The following ADAM2 variants were observed in gnomAD, a reference collection of about 807,000 sequenced individuals.
The protein encoded by ADAM2 is ADAM metallopeptidase domain 2, also known as disintegrin and metalloproteinase domain-containing protein 2.
ADAM2 carries 101 observed loss-of-function variants against 99.3 expected under a neutral mutation model. The observed-to-expected ratio is 1.02, with a 90% CI of 0.87 to 1.20. The LOEUF (loss-of-function observed/expected upper bound fraction) is 1.20. Ranked by LOEUF, ADAM2 falls within the 50% of genes most tolerant of loss-of-function variation. The pLI, the probability that ADAM2 is intolerant of heterozygous loss-of-function variation, is 0.00. For synonymous variants in ADAM2, 323 were observed against 287.6 expected (o/e 1.12, Z -1.25); for missense variants, 948 against 878.7 (o/e 1.08, Z -1.00).
At chr8:39,752,290 G>A (rs1052433167) in intron 16 of ADAM2, among the ~76,000 whole-genome samples, 1 of 152,048 alleles carries the variant, frequency 6.6e-6, no homozygotes, top group Non-Finnish European at 1.5e-5. Flanking sequence ...TCAGAAAAAC[G>A]GTGATATAGA....
At chr8:39,770,695 T>C (rs1460669178) in intron 11 of ADAM2, among the ~76,000 whole-genome samples, 1 of 152,206 alleles carries the variant, frequency 6.6e-6, no homozygotes, top group Admixed American at 6.5e-5. Context: ...CTAAAAACTG[T>C]GCCTATCCAT....
At chr8:39,792,920 T>C (rs1166323523) in intron 7 of ADAM2, among the ~76,000 whole-genome samples, 1 of 152,052 alleles carries the variant, frequency 6.6e-6, no homozygotes, top group Non-Finnish European at 1.5e-5. Context: ...ACAAACTGGG[T>C]CGGGAAGACA....
rs371357430 is a variant in ADAM2 at position 39,838,210 on chromosome 8, G to A, written c.-25C>T. 1.4e-5 allele frequency: 22 copies of A among 1,613,824 alleles called. No homozygotes were observed. In the African/African-American group the frequency reaches 1.7e-4, roughly 13 times the overall value. On this transcript the variant is annotated 5_prime_UTR_variant, in exon 1 of 21. Coordinates refer to ENST00000265708, the MANE Select transcript of ADAM2 (RefSeq NM_001464.5). ...TGGCTTGAAGTCCTGGGTCCCAGCC[G>A]GAATAATGGCAGTTGGTGGTTACAG...
rs1021071453 is a variant in ADAM2 at position 39,779,769 on chromosome 8, A to G, written c.892-2608T>C. Among the ~76,000 whole-genome samples the G allele has an allele frequency of 3.5e-4, 54 of 152,166 alleles. 1 individual carries two copies. Among genetic ancestry groups the G allele is most frequent in the Admixed American group, 3.5e-3 (53 of 15,264 alleles). ...TCATCAGACTGAGAAATTTGTAAAC[A>G]AGTGGGGATTTATTGAGACTTGTTT... is the stretch of plus-strand genomic sequence containing the variant. On this transcript the variant is annotated intron_variant, in intron 10 of 20. Transcript: ENST00000265708.
At chr8:39,764,016 C>T (rs559946416) in intron 14 of ADAM2, among the ~76,000 whole-genome samples, 1 of 152,290 alleles carries the variant, frequency 6.6e-6, no homozygotes, top group Non-Finnish European at 1.5e-5. Context: ...CAGTTGCCAT[C>T]GACCCCCAGG....
chr8:39,824,339 CTTT>C (rs1805315059), intron 4 of ADAM2, among the ~76,000 whole-genome samples: 2 of 149,166 alleles, frequency 1.3e-5, no homozygotes, highest in Admixed American at 1.3e-4. Flanking sequence ...ATTCACTCTT[CTTT>C]ATTATTTTTT....
intron 10 of ADAM2, 133 bp from the exon 11 acceptor site, chr8:39,777,294 TCTAA>T: frequency 1.7e-6 from 1 of 589,820 alleles, no homozygotes; most frequent in Non-Finnish European, 2.9e-6. Flanking sequence ...TCCTTGTTGG[TCTAA>T]CTCATTATAA....
intron 19 of ADAM2, among the ~76,000 whole-genome samples, chr8:39,745,939 C>A (rs1165501409): frequency 6.6e-6 from 1 of 151,836 alleles, no homozygotes; most frequent in African/African-American, 2.4e-5. Flanking sequence ...AGTCCAGATT[C>A]TTATAAGATT....
intron 12 of ADAM2, among the ~76,000 whole-genome samples, chr8:39,768,371 T>C (rs1055894280): frequency 1.3e-5 from 2 of 152,142 alleles, no homozygotes; most frequent in Non-Finnish European, 2.9e-5. Flanking sequence ...GTCTACTTAG[T>C]CTTTGTGATC....
chr8:39,814,439 T>C (rs1441592947), intron 6 of ADAM2, among the ~76,000 whole-genome samples: 1 of 151,938 alleles, frequency 6.6e-6, no homozygotes, highest in Non-Finnish European at 1.5e-5. Flanking sequence ...AGTGCTTACA[T>C]ACATGATGTT....
At chr8:39,758,396 A>G (rs1802230400) in intron 15 of ADAM2, among the ~76,000 whole-genome samples, 1 of 152,070 alleles carries the variant, frequency 6.6e-6, no homozygotes, top group Non-Finnish European at 1.5e-5. Context: ...AAAGAGAGAG[A>G]CAGAGACAGA....
intron 7 of ADAM2, among the ~76,000 whole-genome samples, chr8:39,806,934 G>C (rs1390757515): frequency 6.6e-6 from 1 of 152,166 alleles, no homozygotes; most frequent in South Asian, 2.1e-4. Context: ...AGGATGGAAC[G>C]ATACAGGTGA....
rs1805170575 is a variant in ADAM2 at position 39,821,136 on chromosome 8, T to C, written c.379A>G (p.Ile127Val). ...VLQFENVSYG[I>V]EPLESSVGFE... ...CCAACTGAAGACTCCAGGGGTTCTA[T>C]TCCATAACTAACATTTTCAAACTGT... Residue 127 changes from isoleucine (I) to valine (V), a missense_variant, in exon 6 of 21, where the codon ATA becomes GTA. Physicochemically the swap from Ile to Val is conservative, Grantham distance 29 (BLOSUM62 3). Transcript: ENST00000265708. The C allele has an allele frequency of 1.2e-6, 2 of 1,605,154 alleles. No homozygotes were observed. Among genetic ancestry groups the C allele is most frequent in the Non-Finnish European group, 1.7e-6 (2 of 1,176,704 alleles).
In ADAM2 at chr8:39,837,169, T is replaced by C; in HGVS notation, c.99A>G (p.Ile33Met). The C allele has an allele frequency of 6.2e-7, 1 of 1,610,040 alleles. No homozygotes were observed. Among genetic ancestry groups the C allele is most frequent in the Non-Finnish European group, 8.5e-7 (1 of 1,177,382 alleles). ...LPVQITVPEK[I>M]RSIIKEGIES... ...CAATTCCTTCCTTTATTATTGACCG[T>C]ATTTTCTCCGGAACTGTAATTTGCA... The change falls in exon 2 of 21, where the codon ATA becomes ATG. Residue 33 changes from isoleucine to methionine, a missense_variant. By Grantham distance (10) the Ile-to-Met change is conservative. Transcript: ENST00000265708.
chr8:39,813,483 G>T (rs1328910649), intron 6 of ADAM2, among the ~76,000 whole-genome samples: 1 of 152,116 alleles, frequency 6.6e-6, no homozygotes, highest in Non-Finnish European at 1.5e-5. Flanking sequence ...ATGTTTATTG[G>T]AGCACTATTC....
intron 3 of ADAM2, among the ~76,000 whole-genome samples, chr8:39,825,864 A>C (rs1405652129): frequency 6.6e-6 from 1 of 152,170 alleles, no homozygotes; most frequent in African/African-American, 2.4e-5. Context: ...TTATAAGAAT[A>C]TAGTTAAGTT....
chr8:39,763,968 G>A (rs1357427608), intron 14 of ADAM2, among the ~76,000 whole-genome samples: 1 of 152,124 alleles, frequency 6.6e-6, no homozygotes, highest in Non-Finnish European at 1.5e-5. Context: ...GTTCACTCTG[G>A]GTCAGATTTA....
At chr8:39,766,418 A>AT (rs771481957) in intron 14 of ADAM2, among the ~76,000 whole-genome samples, 29 of 147,944 alleles carry the variant, frequency 2.0e-4, no homozygotes, top group South Asian at 2.1e-4. Context: ...AGCTACTGAT[A>AT]TTTTTTCTGA....
intron 14 of ADAM2, among the ~76,000 whole-genome samples, chr8:39,765,214 T>TACTTTTGGCAC (rs1802525691): frequency 3.9e-5 from 6 of 151,942 alleles, no homozygotes; most frequent in Non-Finnish European, 1.5e-5. Context: ...TGTCTTCTCA[T>TACTTTTGGCAC]AGAGATACTT....
Sources: allele counts gnomAD v4.1 joint callset (sites outside exome capture counted in the v4.1 genomes callset), GRCh38; gene constraint gnomAD v4.1.1; transcripts MANE v1.5; gene names NCBI Gene and HGNC (gene_info 2026-07-23, HGNC 2026-07-21).